MARCHF1: variants seen among roughly 807,000 people sequenced by gnomAD.
The protein encoded by MARCHF1 is E3 ubiquitin-protein ligase MARCHF1.
Under a neutral mutation model 54.2 loss-of-function variants are expected in MARCHF1, and 40 were observed. That is an observed-to-expected ratio of 0.74 (90% CI 0.57 to 0.96). The LOEUF (loss-of-function observed/expected upper bound fraction) is 0.96, where lower values mean the gene tolerates loss of function less well. Among genes scored for constraint, MARCHF1 ranks in the 40% least tolerant of loss-of-function variants. The probability of loss-of-function intolerance (pLI) is 0.00; values close to 1 mark genes in which losing one functional copy is unlikely to be tolerated. For missense variants in MARCHF1, 586 were observed against 656.5 expected (o/e 0.89, Z 1.17); for synonymous variants, 236 against 236.3 (o/e 1.00, Z 0.01).
intron 1 of MARCHF1, among the ~76,000 whole-genome samples, chr4:164,313,024 T>C (rs1006750220): frequency 6.7e-6 from 1 of 150,134 alleles, no homozygotes; most frequent in Non-Finnish European, 1.5e-5. Context: ...CTGAAAAAAA[T>C]CAATAAAAAT....
intron 3 of MARCHF1, among the ~76,000 whole-genome samples, chr4:163,862,670 G>T (rs1433293709): frequency 6.6e-6 from 1 of 152,004 alleles, no homozygotes; most frequent in South Asian, 2.1e-4. Context: ...ACTAATGAAG[G>T]TAAACATAAT....
At chr4:164,352,625 A>C (rs1730385618) in intron 1 of MARCHF1, among the ~76,000 whole-genome samples, 1 of 150,492 alleles carries the variant, frequency 6.6e-6, no homozygotes, top group South Asian at 2.2e-4. Flanking sequence ...TAAACATGGA[A>C]AGGAACAACC....
intron 7 of MARCHF1, among the ~76,000 whole-genome samples, chr4:163,606,090 A>G (rs1035304704): frequency 6.6e-6 from 1 of 152,224 alleles, no homozygotes; most frequent in Admixed American, 6.6e-5. Flanking sequence ...CATATATGAA[A>G]CCTATAGCAT....
intron 3 of MARCHF1, among the ~76,000 whole-genome samples, chr4:163,859,694 C>G (rs140198279): frequency 1.1e-3 from 167 of 152,128 alleles, no homozygotes; most frequent in African/African-American, 3.7e-3. Context: ...GTACTGGTAG[C>G]AATATGAGCC....
At chr4:163,772,459 T>A (rs555037188) in intron 4 of MARCHF1, among the ~76,000 whole-genome samples, 4 of 152,190 alleles carry the variant, frequency 2.6e-5, no homozygotes, top group Non-Finnish European at 5.9e-5. Context: ...GTCAGCTAGC[T>A]TGTCTGGAGG....
intron 1 of MARCHF1, among the ~76,000 whole-genome samples, chr4:164,265,259 G>A (rs1031961529): frequency 1.3e-5 from 2 of 152,036 alleles, no homozygotes; most frequent in Admixed American, 1.3e-4. Flanking sequence ...TAGGTATTGG[G>A]AAAATTTAAA....
intron 4 of MARCHF1, among the ~76,000 whole-genome samples, chr4:163,839,686 G>A (rs1423543338): frequency 1.3e-5 from 2 of 152,116 alleles, no homozygotes; most frequent in Non-Finnish European, 2.9e-5. Flanking sequence ...TAGTTGCCTA[G>A]TTGGAGGAGG....
intron 3 of MARCHF1, among the ~76,000 whole-genome samples, chr4:163,982,393 C>T (rs919068025): frequency 5.9e-5 from 9 of 152,176 alleles, no homozygotes; most frequent in South Asian, 2.1e-4. Context: ...GTGCTCTCAG[C>T]GCAGGCTATT....
intron 1 of MARCHF1, among the ~76,000 whole-genome samples, chr4:164,231,677 T>C (rs1447437156): frequency 1.3e-5 from 2 of 152,102 alleles, no homozygotes; most frequent in African/African-American, 2.4e-5. Context: ...CTTTAGAACA[T>C]AGGGTCCTAT....
At chr4:163,559,275 C>T (rs1739392759) in intron 8 of MARCHF1, among the ~76,000 whole-genome samples, 1 of 152,152 alleles carries the variant, frequency 6.6e-6, no homozygotes, top group Non-Finnish European at 1.5e-5. Flanking sequence ...CAAGTATACA[C>T]ACAAATGTAT....
intron 5 of MARCHF1, among the ~76,000 whole-genome samples, chr4:163,677,241 C>G (rs553186061): frequency 1.3e-5 from 2 of 152,312 alleles, no homozygotes; most frequent in East Asian, 3.9e-4. Context: ...TAAATTAGAT[C>G]ATGTCATTTC....
chr4:163,648,542 T>C (rs566515173), intron 5 of MARCHF1, among the ~76,000 whole-genome samples: 7 of 151,424 alleles, frequency 4.6e-5, no homozygotes, highest in African/African-American at 1.7e-4. Flanking sequence ...CGTTATTCAC[T>C]TTGCCATTCT....
intron 5 of MARCHF1, among the ~76,000 whole-genome samples, chr4:163,629,741 T>C (rs1269078040): frequency 6.6e-6 from 1 of 152,172 alleles, no homozygotes; most frequent in Non-Finnish European, 1.5e-5. Context: ...AGGTGAAGGA[T>C]TGATGAGTGC....
chr4:164,355,918 AG>A (rs1730513612), intron 1 of MARCHF1, among the ~76,000 whole-genome samples: 1 of 123,838 alleles, frequency 8.1e-6, no homozygotes, highest in Admixed American at 8.2e-5. Context: ...CAAATTTACA[AG>A]AAAAAAACAA....
intron 2 of MARCHF1, among the ~76,000 whole-genome samples, chr4:164,056,496 T>C (rs968073780): frequency 2.9e-5 from 4 of 135,748 alleles, no homozygotes; most frequent in Admixed American, 7.9e-5. Flanking sequence ...CTGCCCTGCT[T>C]TTCTTGGAAG....
At chr4:164,154,938 A>G (rs546887073) in intron 1 of MARCHF1, among the ~76,000 whole-genome samples, 16 of 152,310 alleles carry the variant, frequency 1.1e-4, no homozygotes, top group African/African-American at 3.8e-4. Flanking sequence ...GGAGCTGGAC[A>G]GGGAATGGAG....
intron 1 of MARCHF1, among the ~76,000 whole-genome samples, chr4:164,316,411 C>A (rs1020537460): frequency 6.6e-6 from 1 of 152,184 alleles, no homozygotes; most frequent in Non-Finnish European, 1.5e-5. Context: ...AAGAGGGCAA[C>A]AAATTCATTA....
chr4:164,219,150 A>T (rs979027804), intron 1 of MARCHF1, among the ~76,000 whole-genome samples: 2 of 152,166 alleles, frequency 1.3e-5, no homozygotes, highest in Admixed American at 1.3e-4. Flanking sequence ...CGGTTTGGGC[A>T]TTCATCAAGG....
intron 3 of MARCHF1, among the ~76,000 whole-genome samples, chr4:163,893,148 A>C (rs4621387): frequency 1.3e-5 from 2 of 151,520 alleles, no homozygotes; most frequent in East Asian, 3.9e-4. Context: ...TTTAAAAAAA[A>C]TTTTTTTTTG....
Sources: allele counts gnomAD v4.1 joint callset (sites outside exome capture counted in the v4.1 genomes callset), GRCh38; gene constraint gnomAD v4.1.1; transcripts MANE v1.5; gene names NCBI Gene and HGNC (gene_info 2026-07-23, HGNC 2026-07-21).